The following TNRC6C variants were observed in gnomAD, a reference collection of about 807,000 sequenced individuals.
The protein encoded by TNRC6C is trinucleotide repeat containing adaptor 6C.
In TNRC6C, 20 loss-of-function variants were observed where a neutral mutation model predicts 153.7. That is an observed-to-expected ratio of 0.13 (90% CI 0.09 to 0.19). The LOEUF is 0.19. Ranked by LOEUF, TNRC6C falls within the 10% of genes least tolerant of loss-of-function variation. TNRC6C has a pLI of 1.00. For synonymous variants in TNRC6C, 811 were observed against 841.4 expected, an observed-to-expected ratio of 0.96 and a Z score of 0.63; for missense variants, 1,987 against 2,172.0, an observed-to-expected ratio of 0.91 and a Z score of 1.69.
intron 5 of TNRC6C, 79 bp from the exon 8 acceptor site, chr17:78,071,006 T>G: frequency 7.3e-7 from 1 of 1,370,122 alleles, no homozygotes; most frequent in Admixed American, 2.0e-5. Context: ...GACCCTGAAT[T>G]TAGGCTGTCT....
At chr17:78,012,331 G>C (rs2071648530) in intron 1 of TNRC6C, among the ~76,000 whole-genome samples, 2 of 152,210 alleles carry the variant, frequency 1.3e-5, no homozygotes, top group South Asian at 2.1e-4. Flanking sequence ...CAGACACTGG[G>C]TTCTCCTTGA....
intron 1 of TNRC6C, among the ~76,000 whole-genome samples, chr17:78,017,926 T>C (rs1297142475): frequency 6.6e-6 from 1 of 152,234 alleles, no homozygotes; most frequent in Non-Finnish European, 1.5e-5. Context: ...TCTGCTTAAT[T>C]GTCACTTTCT....
chr17:78,036,266 G>C (rs1040031859), intron 2 of TNRC6C, among the ~76,000 whole-genome samples: 1 of 152,214 alleles, frequency 6.6e-6, no homozygotes, highest in African/African-American at 2.4e-5. Context: ...GAAAACTAAA[G>C]AAAGTGAAGT....
chr17:78,001,284 C>A (rs188727730), upstream of TNRC6C, among the ~76,000 whole-genome samples: 67 of 152,322 alleles, frequency 4.4e-4, no homozygotes, highest in South Asian at 4.1e-4. Flanking sequence ...TAATTTATAT[C>A]CAATTTGGCC....
At chr17:78,061,994 T>C (rs890386700) in intron 3 of TNRC6C, among the ~76,000 whole-genome samples, 1 of 152,224 alleles carries the variant, frequency 6.6e-6, no homozygotes, top group African/African-American at 2.4e-5. Flanking sequence ...GGTGAGTTCA[T>C]TATTTAATTA....
intron 13 of TNRC6C, among the ~76,000 whole-genome samples, chr17:78,087,675 T>G (rs2073321579): frequency 6.6e-6 from 1 of 152,208 alleles, no homozygotes; most frequent in South Asian, 2.1e-4. Flanking sequence ...TATTCAGATT[T>G]ACATTAAAAG....
In TNRC6C at chr17:78,014,144, A is replaced by T. The variant is rs542179381; in HGVS notation, c.-546+9065A>T. On this transcript the variant is annotated intron_variant, in intron 1 of 19. Transcript: ENST00000301624. ...CCTGGGAGAACACATTTGAGACATA[A>T]TTCCACTTAAATCTTCTGTGTTTCA... Among the ~76,000 whole-genome samples the T allele has an allele frequency of 7.2e-5, 11 of 152,278 alleles. No individual in the cohort carries two copies. The South Asian group carries it at 2.3e-3, about 32-fold the overall frequency.
intron 6 of TNRC6C, among the ~76,000 whole-genome samples, chr17:78,071,576 C>T (rs1258489040): frequency 2.6e-5 from 4 of 151,960 alleles, no homozygotes; most frequent in Non-Finnish European, 1.5e-5. Flanking sequence ...TTGGTAGAGA[C>T]GAGGCTTCAC....
At chr17:78,026,301 G>A (rs373920317) in intron 1 of TNRC6C, among the ~76,000 whole-genome samples, 4 of 152,204 alleles carry the variant, frequency 2.6e-5, no homozygotes, top group African/African-American at 4.8e-5. Context: ...GCCAAATACC[G>A]GGTACTGTGG....
At chr17:78,033,597 A>G (rs1041755614) in intron 2 of TNRC6C, among the ~76,000 whole-genome samples, 3 of 151,968 alleles carry the variant, frequency 2.0e-5, no homozygotes, top group African/African-American at 7.3e-5. Flanking sequence ...TGAACCTGGG[A>G]CGTGGAGGTT....
chr17:78,102,401 A>C (rs1250326060), intron 17 of TNRC6C, 73 bp from the exon 21 acceptor site: 2 of 1,388,182 alleles, frequency 1.4e-6, no homozygotes, highest in East Asian at 2.5e-5. Flanking sequence ...CTTCAGCACA[A>C]TAAGAAGTGG....
chr17:78,088,019 T>A (rs2073327967), intron 13 of TNRC6C, among the ~76,000 whole-genome samples: 3 of 152,238 alleles, frequency 2.0e-5, no homozygotes, highest in Admixed American at 2.0e-4. Context: ...GACAAAGGGT[T>A]ATCGGTAACT....
At chr17:78,042,413 T>TA (rs2072314969) in intron 2 of TNRC6C, among the ~76,000 whole-genome samples, 1 of 152,200 alleles carries the variant, frequency 6.6e-6, no homozygotes, top group East Asian at 1.9e-4. Context: ...TCTTCATCTG[T>TA]AAAACTGACA....
At chr17:77,992,876 C>G (rs1178033407) in intron 1 of TNRC6C, among the ~76,000 whole-genome samples, 1 of 152,106 alleles carries the variant, frequency 6.6e-6, no homozygotes, top group Non-Finnish European at 1.5e-5. Context: ...AATAACGTGG[C>G]AAATTTTAGG....
At chr17:78,043,119 CA>C (rs2143886182) in intron 2 of TNRC6C, among the ~76,000 whole-genome samples, 1 of 152,206 alleles carries the variant, frequency 6.6e-6, no homozygotes, top group African/African-American at 2.4e-5. Flanking sequence ...AACAAGAGAG[CA>C]GCTGAAGTAT....
At chr17:77,964,137 G>A (rs2070880499) in intron 1 of TNRC6C, among the ~76,000 whole-genome samples, 1 of 152,078 alleles carries the variant, frequency 6.6e-6, no homozygotes, top group South Asian at 2.1e-4. Context: ...AACCTTTTTG[G>A]CATAACAAAT....
chr17:78,093,877 G>A (rs139653937), intron 16 of TNRC6C, 114 bp downstream of exon 18: 14,690 of 1,336,074 alleles, frequency 0.011, 147 homozygotes, highest in South Asian at 0.035. Flanking sequence ...CACAGTTGGC[G>A]GGCACCTTTT....
chr17:78,010,776 T>C (rs1032404973), intron 1 of TNRC6C, among the ~76,000 whole-genome samples: 2 of 152,170 alleles, frequency 1.3e-5, no homozygotes, highest in African/African-American at 2.4e-5. Flanking sequence ...GGGGGAAATA[T>C]AATAAACATT....
At chr17:78,084,986 T>C (rs937250583) in intron 11 of TNRC6C, among the ~76,000 whole-genome samples, 1 of 152,178 alleles carries the variant, frequency 6.6e-6, no homozygotes, top group African/African-American at 2.4e-5. Flanking sequence ...GAGGAATCGC[T>C]GTGGGGAGGC....
Sources: gnomAD v4.1 joint callset for allele counts (sites outside exome capture counted in the v4.1 genomes callset) on GRCh38, gnomAD v4.1.1 for gene constraint, MANE v1.5 for transcripts, NCBI Gene and HGNC (gene_info 2026-07-23, HGNC 2026-07-21) for gene names.